Variants in TFEC observed in about 807,000 individuals in gnomAD.
The protein encoded by TFEC is transcription factor EC, also known as class E basic helix-loop-helix protein 34.
TFEC carries 31 observed loss-of-function variants against 41.6 expected under a neutral mutation model. The ratio of observed to expected loss-of-function variants is 0.74; its 90% CI spans 0.56 to 1.01. The LOEUF is 1.01. Among genes scored for constraint, TFEC ranks in the 50% least tolerant of loss-of-function variants. The pLI is 0.00. For missense variants in TFEC, 402 were observed against 404.1 expected (o/e 0.99, Z 0.04); for synonymous variants, 143 against 140.6 (o/e 1.02, Z -0.12).
upstream of TFEC, among the ~76,000 whole-genome samples, chr7:116,033,728 C>T (rs192615987): frequency 5.3e-4 from 81 of 152,206 alleles, no homozygotes; most frequent in Admixed American, 2.6e-3. Flanking sequence ...TCTACAGTGC[C>T]AAACATTGAC....
chr7:115,956,622 T>C (rs1792247368), intron 4 of TFEC, 57 bp downstream of exon 4: 1 of 1,280,036 alleles, frequency 7.8e-7, no homozygotes, highest in Non-Finnish European at 1.1e-6. Context: ...TATATGTCAC[T>C]CATAACTTAT....
chr7:115,982,063 A>C (rs994500982), intron 2 of TFEC, among the ~76,000 whole-genome samples: 1 of 152,202 alleles, frequency 6.6e-6, no homozygotes, highest in Admixed American at 6.5e-5. Flanking sequence ...AAAGATTTTC[A>C]GTCTTCAAGT....
chr7:116,016,057 A>G (rs924530039), intron 1 of TFEC, among the ~76,000 whole-genome samples: 1 of 152,230 alleles, frequency 6.6e-6, no homozygotes, highest in African/African-American at 2.4e-5. Context: ...AAGAGAGACT[A>G]AAAGAATCTC....
Position 115,970,497 on chromosome 7 carries a change from G to C in TFEC, c.267+3673C>G, listed in dbSNP as rs77129089. Among the ~76,000 whole-genome samples the C allele has an allele frequency of 1.8e-4, 28 of 152,056 alleles. No individual in the cohort carries two copies. The East Asian group carries it at 3.7e-3, about 20-fold the overall frequency. ...TGTAAAGGAGTCATGAAATAGCCTA[G>C]TAGCCAGAGAGGAAATGCGTTTAAA... On this transcript the variant is annotated intron_variant, in intron 3 of 7. Transcript: ENST00000265440.
intron 1 of TFEC, among the ~76,000 whole-genome samples, chr7:115,995,118 G>A (rs1794302585): frequency 1.3e-5 from 2 of 148,416 alleles, no homozygotes; most frequent in Admixed American, 6.8e-5. Context: ...AACACCACAT[G>A]TTCTCACTCA....
intron 1 of TFEC, chr7:116,117,563 T>C (rs1337184064): frequency 6.6e-6 from 1 of 151,826 alleles, no homozygotes; most frequent in African/African-American, 2.4e-5. Context: ...AAGAATGTGA[T>C]GGAGCCAAAA....
At chr7:115,945,391 T>C (rs1791477494) in intron 6 of TFEC, among the ~76,000 whole-genome samples, 1 of 151,604 alleles carries the variant, frequency 6.6e-6, no homozygotes, top group African/African-American at 2.4e-5. Flanking sequence ...AGACCATGGT[T>C]CTCAGGTAGA....
At chr7:116,065,901 A>G (rs529174469) in intron 3 of TFEC, among the ~76,000 whole-genome samples, 2 of 152,280 alleles carry the variant, frequency 1.3e-5, no homozygotes, top group African/African-American at 4.8e-5. Flanking sequence ...CACTGGAGCT[A>G]CATGGTGCCA....
At chr7:116,135,035 CT>C (rs1416039481) in intron 1 of TFEC, among the ~76,000 whole-genome samples, 1 of 152,028 alleles carries the variant, frequency 6.6e-6, no homozygotes, top group Non-Finnish European at 1.5e-5. Flanking sequence ...TGCGTCAAAA[CT>C]AAGATTGTAG....
At chr7:116,028,718 A>G (rs1047734948) in intron 1 of TFEC, among the ~76,000 whole-genome samples, 3 of 152,212 alleles carry the variant, frequency 2.0e-5, no homozygotes, top group African/African-American at 7.2e-5. Flanking sequence ...TGATAGCTTT[A>G]TTTGTAAAAC....
chr7:115,975,386 G>C (rs1793334714), intron 2 of TFEC, among the ~76,000 whole-genome samples: 2 of 152,048 alleles, frequency 1.3e-5, no homozygotes. Flanking sequence ...ACAGTCAGGA[G>C]TACACTCTAA....
intron 1 of TFEC, among the ~76,000 whole-genome samples, chr7:116,140,566 A>G (rs927199784): frequency 6.6e-6 from 1 of 152,188 alleles, no homozygotes; most frequent in African/African-American, 2.4e-5. Context: ...AACAAAACAG[A>G]TATGTGTATT....
intron 1 of TFEC, among the ~76,000 whole-genome samples, chr7:116,013,677 T>C (rs1485413223): frequency 2.0e-5 from 3 of 152,266 alleles, no homozygotes; most frequent in Non-Finnish European, 4.4e-5. Flanking sequence ...CAACTGTAAG[T>C]TACTTATTAT....
chr7:116,044,405 A>G (rs1392455834), intron 3 of TFEC, among the ~76,000 whole-genome samples: 1 of 152,244 alleles, frequency 6.6e-6, no homozygotes, highest in Non-Finnish European at 1.5e-5. Flanking sequence ...ATAAGAAAGT[A>G]TTACATGCTT....
At chr7:116,132,116 CA>C (rs777908179) in intron 1 of TFEC, among the ~76,000 whole-genome samples, 30 of 152,128 alleles carry the variant, frequency 2.0e-4, no homozygotes, top group Non-Finnish European at 4.0e-4. Context: ...ATCAGCAAAA[CA>C]TGCATAGCAG....
intron 1 of TFEC, among the ~76,000 whole-genome samples, chr7:116,017,664 T>C (rs139541239): frequency 6.6e-6 from 1 of 152,306 alleles, no homozygotes; most frequent in Non-Finnish European, 1.5e-5. Flanking sequence ...ACTGGACTTT[T>C]ACAGTTACTG....
At chr7:116,091,394 A>G (rs1295673945) in intron 3 of TFEC, among the ~76,000 whole-genome samples, 2 of 152,226 alleles carry the variant, frequency 1.3e-5, no homozygotes, top group Non-Finnish European at 2.9e-5. Flanking sequence ...AAATAGTGAA[A>G]CAACTTGTTA....
Position 116,116,253 on chromosome 7 carries a change from A to T in TFEC, c.-68-4215T>A, listed in dbSNP as rs190928326. On this transcript the variant is annotated intron_variant, in intron 1 of 8. Coordinates refer to the TFEC transcript ENST00000484212. ...AGGGAACTAGAAACACTATCATCTTAAAAATGGTAGTTTAGCTTGGAGAAG... is the reference window on the plus strand; with the variant it reads ...AGGGAACTAGAAACACTATCATCTTTAAAATGGTAGTTTAGCTTGGAGAAG... 1.7e-3 allele frequency among the ~76,000 whole-genome samples: 253 copies of T among 152,082 alleles called. 1 individual carries two copies. Among genetic ancestry groups the T allele is most frequent in the Non-Finnish European group, 2.4e-3 (161 of 67,898 alleles).
At chr7:116,080,128 A>T (rs367987849) in intron 3 of TFEC, among the ~76,000 whole-genome samples, 6 of 152,262 alleles carry the variant, frequency 3.9e-5, no homozygotes, top group African/African-American at 1.2e-4. Context: ...GGCAAGCCAC[A>T]TTAGAAGAAT....
Sources: allele counts gnomAD v4.1 joint callset (sites outside exome capture counted in the v4.1 genomes callset), GRCh38; gene constraint gnomAD v4.1.1; transcripts MANE v1.5; gene names NCBI Gene and HGNC (gene_info 2026-07-23, HGNC 2026-07-21).